Variants in RIMS1 observed in about 807,000 individuals in gnomAD.
RIMS1 encodes regulating synaptic membrane exocytosis protein 1.
In RIMS1, 83 loss-of-function variants were observed where a neutral mutation model predicts 214.1. The ratio of observed to expected loss-of-function variants is 0.39; its 90% CI spans 0.32 to 0.47. The LOEUF (loss-of-function observed/expected upper bound fraction) is 0.47, where lower values mean the gene tolerates loss of function less well. Ranked by LOEUF, RIMS1 falls within the 20% of genes least tolerant of loss-of-function variation. The pLI is 0.99. For synonymous variants in RIMS1, 793 were observed against 786.8 expected, an observed-to-expected ratio of 1.01 and a Z score of -0.13; for missense variants, 2,050 against 2,161.8, an observed-to-expected ratio of 0.95 and a Z score of 1.03.
At chr6:72,132,915 G>C (rs979237283) in intron 4 of RIMS1, among the ~76,000 whole-genome samples, 2 of 152,104 alleles carry the variant, frequency 1.3e-5, no homozygotes, top group Non-Finnish European at 2.9e-5. Context: ...TATTAATACA[G>C]TGTTATTTGT....
In RIMS1 at chr6:72,290,795, G is replaced by C; in HGVS notation, c.3671G>C (p.Arg1224Thr). The C allele has an allele frequency of 1.2e-6, 2 of 1,613,780 alleles. No individual in the cohort carries two copies. Among genetic ancestry groups the C allele is most frequent in the Non-Finnish European group, 1.7e-6 (2 of 1,179,804 alleles). Reference protein sequence around the residue: ...RSRSSEHSSIRTLCSMHHLVP... With the variant: ...RSRSSEHSSITTLCSMHHLVP... ...AGGTCGAGTGAGCACTCTAGTATCA[G>C]AACACTGTGTTCTATGCACCACCTT... Residue 1224 changes from arginine (R) to threonine (T), a missense_variant, in exon 25 of 34, where the codon AGA becomes ACA. Physicochemically the swap from Arg to Thr is moderately conservative, Grantham distance 71. Transcript: ENST00000521978.
intron 24 of RIMS1, 125 bp from the exon 25 acceptor site, chr6:72,290,554 A>G: frequency 1.4e-6 from 1 of 737,734 alleles, no homozygotes; most frequent in South Asian, 2.0e-5. Flanking sequence ...TAATTGCGTG[A>G]TGGGTTCTCT....
At chr6:72,390,414 C>T (rs754857578) in intron 29 of RIMS1, among the ~76,000 whole-genome samples, 184 bp from the exon 30 acceptor site, 4 of 152,160 alleles carry the variant, frequency 2.6e-5, no homozygotes, top group African/African-American at 2.4e-5. Flanking sequence ...CAGTGGTACT[C>T]CCCTTAGCCA....
intron 2 of RIMS1, among the ~76,000 whole-genome samples, chr6:72,085,840 A>G (rs933529548): frequency 3.9e-5 from 6 of 152,170 alleles, no homozygotes; most frequent in African/African-American, 2.4e-5. Flanking sequence ...TCCTTTAGCC[A>G]TAATTAAAAT....
At chr6:72,284,194 C>T (rs1410268839) in intron 24 of RIMS1, 76 bp downstream of exon 24, 1 of 1,240,574 alleles carries the variant, frequency 8.1e-7, no homozygotes, top group Non-Finnish European at 1.2e-6. Flanking sequence ...TCTCATTTTA[C>T]ATGATCAGTT....
chr6:72,304,709 T>C (rs1182142438), intron 26 of RIMS1, among the ~76,000 whole-genome samples: 1 of 151,978 alleles, frequency 6.6e-6, no homozygotes, highest in Non-Finnish European at 1.5e-5. Context: ...CAATAACTTG[T>C]ATAAACAGTT....
rs773036652 is a variant in RIMS1, at chr6:72,233,762, G to T, written c.1679-11G>T. 3.9e-6 allele frequency: 6 copies of T among 1,553,900 alleles called. No individual in the cohort carries two copies. The East Asian group carries it at 9.4e-5, about 24-fold the overall frequency. On this transcript the variant is annotated splice_polypyrimidine_tract_variant and intron_variant, in intron 6 of 33. Transcript: ENST00000521978. ...TACCATTACACTTTTCATTCTTTTT[G>T]TATTGCACAGGTGATTTGGATTATT...
At chr6:72,152,743 AT>A (rs2043807813) in intron 4 of RIMS1, among the ~76,000 whole-genome samples, 1 of 137,490 alleles carries the variant, frequency 7.3e-6, no homozygotes, top group Admixed American at 8.0e-5. Flanking sequence ...GAATATATGT[AT>A]ATATATGTAT....
chr6:72,235,798 T>G lies in RIMS1; in HGVS notation c.1857+70T>G, dbSNP rs999606561. 22 of 674,338 alleles carry G rather than the reference T, an allele frequency of 3.3e-5. No individual in the cohort carries two copies. The East Asian group carries it at 6.9e-4, about 21-fold the overall frequency. 41.8% of individuals were successfully genotyped at this position (674,338 alleles called of 1,614,324 possible). On this transcript the variant is annotated intron_variant, in intron 8 of 33. Coordinates refer to ENST00000521978, the MANE Select transcript of RIMS1 (RefSeq NM_014989.7). ...TATGGTCTGCATTCATCGGAGTTTC[T>G]GGCAATGATTTTTAAATGTCATTTA...
At chr6:72,042,783 T>C (rs754672118) in intron 2 of RIMS1, among the ~76,000 whole-genome samples, 3 of 151,804 alleles carry the variant, frequency 2.0e-5, no homozygotes, top group Non-Finnish European at 4.4e-5. Flanking sequence ...ACATTATAAA[T>C]GCTTTTAATA....
chr6:72,157,594 A>G (rs1052751892), intron 4 of RIMS1, among the ~76,000 whole-genome samples: 9 of 139,800 alleles, frequency 6.4e-5, no homozygotes, highest in African/African-American at 2.2e-4. Context: ...CGTTATTATA[A>G]CCATACTGGT....
At chr6:72,071,806 T>TG (rs1298710377) in intron 2 of RIMS1, among the ~76,000 whole-genome samples, 1 of 152,174 alleles carries the variant, frequency 6.6e-6, no homozygotes, top group Non-Finnish European at 1.5e-5. Context: ...AGCATTTTCA[T>TG]GGGGGAACTA....
At chr6:72,290,940 G>A in intron 25 of RIMS1, 79 bp downstream of exon 25, 4 of 1,326,580 alleles carry the variant, frequency 3.0e-6, no homozygotes, top group Admixed American at 2.1e-5. Context: ...CTGAGCACTT[G>A]AAGCTTTCAC....
At chr6:72,342,626 GGTGTGTGTGTGTGTGT>G (rs113847815) in intron 29 of RIMS1, among the ~76,000 whole-genome samples, 1 of 145,872 alleles carries the variant, frequency 6.9e-6, no homozygotes, top group Admixed American at 6.9e-5. Flanking sequence ...GAGTAAGATG[GGTGTGTGTGTGTGTGT>G]GTGTGTGTGT....
chr6:72,002,938 G>A (rs1468195000), intron 2 of RIMS1, among the ~76,000 whole-genome samples: 2 of 152,206 alleles, frequency 1.3e-5, no homozygotes, highest in Non-Finnish European at 2.9e-5. Flanking sequence ...GTCTGAAGCT[G>A]CTAGTCTCCT....
chr6:72,264,756 A>G (rs1383405209), intron 19 of RIMS1, among the ~76,000 whole-genome samples: 1 of 152,028 alleles, frequency 6.6e-6, no homozygotes, highest in Admixed American at 6.6e-5. Flanking sequence ...AGATAATTAA[A>G]TAATAATTTT....
chr6:71,934,051 G>T (rs947826456), intron 1 of RIMS1, among the ~76,000 whole-genome samples: 2 of 152,122 alleles, frequency 1.3e-5, no homozygotes, highest in Non-Finnish European at 2.9e-5. Context: ...AAGTTTCCAT[G>T]GCAGTACAGT....
At position 72,100,099 on chromosome 6, in the gene RIMS1, C is replaced by A. The variant is rs1586938643; in HGVS notation, c.471+113C>A. The stretch of plus-strand genomic sequence containing the variant: ...ACTATATTTCACAAGAAATTATATA[C>A]TAGGAAGAGCTCATTTCCAGCTCTC... On this transcript the variant is annotated intron_variant, in intron 4 of 33. Coordinates refer to ENST00000521978, the MANE Select transcript of RIMS1 (RefSeq NM_014989.7). 7 of 800,912 alleles carry A rather than the reference C, an allele frequency of 8.7e-6. No individual in the cohort carries two copies. In the East Asian group the frequency reaches 1.6e-4, roughly 18 times the overall value. The allele number at this position is 800,912 out of a possible 1,614,324, so 49.6% of individuals were successfully genotyped here. A position where few individuals can be genotyped will look rare whatever the true frequency, so the allele number is the denominator to read the frequency against.
chr6:71,904,222 T>G (rs115565038), intron 1 of RIMS1, among the ~76,000 whole-genome samples: 39 of 152,282 alleles, frequency 2.6e-4, no homozygotes, highest in African/African-American at 9.1e-4. Context: ...TAATTTGGAT[T>G]TGTTTTAGGC....
Sources: gnomAD v4.1 joint callset for allele counts (sites outside exome capture counted in the v4.1 genomes callset) on GRCh38, gnomAD v4.1.1 for gene constraint, MANE v1.5 for transcripts, NCBI Gene and HGNC (gene_info 2026-07-23, HGNC 2026-07-21) for gene names.